Variants in CCND3 observed in about 807,000 individuals in gnomAD.
CCND3 encodes cyclin D3.
Under a neutral mutation model 28.7 loss-of-function variants are expected in CCND3, and 9 were observed. The observed-to-expected ratio is 0.31, with a 90% CI of 0.19 to 0.55. The LOEUF (loss-of-function observed/expected upper bound fraction) is 0.55. Among genes scored for constraint, CCND3 ranks in the 20% least tolerant of loss-of-function variants. The pLI, the probability that CCND3 is intolerant of heterozygous loss-of-function variation, is 0.93. For missense variants in CCND3, 315 were observed against 385.8 expected, an observed-to-expected ratio of 0.82 and a Z score of 1.54; for synonymous variants, 164 against 163.9, an observed-to-expected ratio of 1.00 and a Z score of 0.00.
At chr6:41,959,036 C>T (rs1268725478) in intron 1 of CCND3, among the ~76,000 whole-genome samples, 5 of 152,042 alleles carry the variant, frequency 3.3e-5, no homozygotes, top group Non-Finnish European at 1.5e-5. Context: ...GAGGATCGGC[C>T]GGGCACGGTG....
chr6:41,951,185 G>A (rs1776303084), intron 1 of CCND3, among the ~76,000 whole-genome samples: 1 of 152,020 alleles, frequency 6.6e-6, no homozygotes, highest in African/African-American at 2.4e-5. Flanking sequence ...GGGACTGGTG[G>A]AGATTGGTGG....
intron 1 of CCND3, among the ~76,000 whole-genome samples, chr6:41,977,436 G>T (rs7768838): frequency 1.3e-5 from 2 of 151,870 alleles, no homozygotes; most frequent in Non-Finnish European, 2.9e-5. Flanking sequence ...GTGCTATCTC[G>T]TCTCACTACA....
chr6:41,990,838 G>C (rs1314812061), intron 1 of CCND3, among the ~76,000 whole-genome samples: 1 of 151,350 alleles, frequency 6.6e-6, no homozygotes, highest in Non-Finnish European at 1.5e-5. Context: ...CTGACACCAT[G>C]TCCGGCTAAT....
intron 1 of CCND3, among the ~76,000 whole-genome samples, chr6:42,022,902 A>G (rs190160059): frequency 9.2e-5 from 14 of 152,344 alleles, no homozygotes; most frequent in Admixed American, 7.2e-4. Context: ...GGGGTGCTGG[A>G]GGCCCCATGC....
chr6:41,979,533 C>T (rs949311838), intron 1 of CCND3, among the ~76,000 whole-genome samples: 1 of 97,016 alleles, frequency 1.0e-5, no homozygotes, highest in African/African-American at 3.9e-5. Flanking sequence ...GACTCCACTT[C>T]AAAAAAAAAA....
chr6:42,042,330 T>C (rs1456690573), intron 1 of CCND3, among the ~76,000 whole-genome samples: 1 of 150,966 alleles, frequency 6.6e-6, no homozygotes, highest in Admixed American at 6.6e-5. Flanking sequence ...GTGTACTGCC[T>C]CATAATCTTA....
intron 1 of CCND3, among the ~76,000 whole-genome samples, chr6:41,948,619 A>C (rs1776228430): frequency 6.6e-6 from 1 of 152,030 alleles, no homozygotes; most frequent in Non-Finnish European, 1.5e-5. Context: ...CAGGCAGATC[A>C]CTAGGTCAGG....
At chr6:42,041,899 C>G (rs1017921185) in intron 1 of CCND3, among the ~76,000 whole-genome samples, 4 of 152,206 alleles carry the variant, frequency 2.6e-5, no homozygotes, top group African/African-American at 9.6e-5. Context: ...AGGTCTGCAT[C>G]TGTCTGAGGC....
upstream of CCND3, among the ~76,000 whole-genome samples, chr6:41,944,409 G>C (rs1776116471): frequency 6.6e-6 from 1 of 150,960 alleles, no homozygotes; most frequent in East Asian, 1.9e-4. Flanking sequence ...CAAATAGAAG[G>C]GTTTTTTGTG....
chr6:41,983,320 C>T lies in CCND3; in HGVS notation c.-45-42735G>A, dbSNP rs914361276. Among the ~76,000 whole-genome samples the T allele has an allele frequency of 5.4e-5, 8 of 147,864 alleles. No homozygotes were observed. In the East Asian group the frequency reaches 7.9e-4, roughly 15 times the overall value. ...TTGAGCCCAGGAGGTTGCACTGAGT[C>T]GAGATCGTGCCATTGCACTCCAACC... On this transcript the variant is annotated intron_variant, in intron 1 of 4. Coordinates refer to the CCND3 transcript ENST00000372988.
intron 1 of CCND3, among the ~76,000 whole-genome samples, chr6:41,947,939 C>T (rs1776210929): frequency 6.6e-6 from 1 of 152,088 alleles, no homozygotes; most frequent in South Asian, 2.1e-4. Context: ...TATACTCCCA[C>T]CCCATTTCCC....
At chr6:41,948,267 A>C (rs1776218455) in intron 1 of CCND3, among the ~76,000 whole-genome samples, 1 of 151,590 alleles carries the variant, frequency 6.6e-6, no homozygotes, top group Non-Finnish European at 1.5e-5. Flanking sequence ...CAGCTTGTCT[A>C]CTCCCACACC....
intron 1 of CCND3, among the ~76,000 whole-genome samples, chr6:42,009,700 G>A (rs528113770): frequency 4.2e-4 from 64 of 152,198 alleles, no homozygotes; most frequent in African/African-American, 1.2e-3. Context: ...CCAGCTACTC[G>A]GGAGGCTAAG....
At chr6:41,955,910 C>T (rs1185130034) in intron 1 of CCND3, among the ~76,000 whole-genome samples, 1 of 152,058 alleles carries the variant, frequency 6.6e-6, no homozygotes, top group Non-Finnish European at 1.5e-5. Flanking sequence ...TGTGATTGCA[C>T]CTGGGCAGCA....
intron 1 of CCND3, among the ~76,000 whole-genome samples, chr6:42,012,694 T>C (rs1763376292): frequency 6.6e-6 from 1 of 152,234 alleles, no homozygotes; most frequent in Non-Finnish European, 1.5e-5. Context: ...CCTTGGTGGT[T>C]GTTGGCTATT....
chr6:42,002,439 C>CAAAA (rs57696991), intron 1 of CCND3, among the ~76,000 whole-genome samples: 1 of 140,338 alleles, frequency 7.1e-6, no homozygotes, highest in Admixed American at 7.2e-5. Flanking sequence ...GACTCCATCT[C>CAAAA]AAAAAAAAAA....
intron 1 of CCND3, among the ~76,000 whole-genome samples, chr6:41,991,530 T>G (rs1355789141): frequency 1.7e-4 from 26 of 152,244 alleles, no homozygotes; most frequent in Admixed American, 1.6e-3. Flanking sequence ...TCAATACATA[T>G]AGTGTACAGT....
Position 41,940,365 on chromosome 6 carries a change from C to A in CCND3, c.414+5G>T. On this transcript the variant is annotated splice_donor_5th_base_variant and intron_variant, in intron 2 of 4. Coordinates refer to ENST00000372991, the MANE Select transcript of CCND3 (RefSeq NM_001760.5). ...TGTCGGGGGTGGGGGGAGTTACACA[C>A]GCACCCGCAACTGGCGGGGAGAGAC... is the stretch of plus-strand genomic sequence containing the variant. 1 of 1,611,280 alleles carries A rather than the reference C, an allele frequency of 6.2e-7. No homozygotes were observed. Among genetic ancestry groups the A allele is most frequent in the Admixed American group, 1.7e-5 (1 of 60,020 alleles).
At chr6:41,958,333 C>T (rs1280844110) in intron 1 of CCND3, among the ~76,000 whole-genome samples, 4 of 152,032 alleles carry the variant, frequency 2.6e-5, no homozygotes, top group Admixed American at 6.6e-5. Context: ...AGGGTTGTTA[C>T]AGCATGGAGC....
Sources: gnomAD v4.1 joint callset for allele counts (sites outside exome capture counted in the v4.1 genomes callset) on GRCh38, gnomAD v4.1.1 for gene constraint, MANE v1.5 for transcripts, NCBI Gene and HGNC (gene_info 2026-07-23, HGNC 2026-07-21) for gene names.